The following ASAP2 variants were observed in gnomAD, a reference collection of about 807,000 sequenced individuals.
The protein encoded by ASAP2 is arf-GAP with SH3 domain, ANK repeat and PH domain-containing protein 2.
ASAP2 carries 45 observed loss-of-function variants against 131.4 expected under a neutral mutation model. The ratio of observed to expected loss-of-function variants is 0.34; its 90% CI spans 0.27 to 0.44. The LOEUF (loss-of-function observed/expected upper bound fraction) is 0.44. Ranked by LOEUF, ASAP2 falls within the 20% of genes least tolerant of loss-of-function variation. The probability of loss-of-function intolerance (pLI) is 1.00; values close to 1 mark genes in which losing one functional copy is unlikely to be tolerated. For missense variants in ASAP2, 1,011 were observed against 1,297.0 expected, an observed-to-expected ratio of 0.78 and a Z score of 3.39; for synonymous variants, 510 against 503.0, an observed-to-expected ratio of 1.01 and a Z score of -0.19.
At chr2:9,231,159 TG>T (rs1663133841) in intron 1 of ASAP2, among the ~76,000 whole-genome samples, 1 of 152,194 alleles carries the variant, frequency 6.6e-6, no homozygotes, top group South Asian at 2.1e-4. Flanking sequence ...GGAAAGGCAG[TG>T]GCTGGGTGTT....
At chr2:9,211,203 C>G (rs1247685036) in intron 1 of ASAP2, among the ~76,000 whole-genome samples, 2 of 151,608 alleles carry the variant, frequency 1.3e-5, no homozygotes, top group South Asian at 2.1e-4. Context: ...TGAGAGCATA[C>G]CTGTATTTTA....
intron 1 of ASAP2, among the ~76,000 whole-genome samples, chr2:9,222,358 AT>A (rs916717850): frequency 6.6e-6 from 1 of 152,172 alleles, no homozygotes; most frequent in Non-Finnish European, 1.5e-5. Flanking sequence ...GGTTTTAGAT[AT>A]TTGCCTTGTC....
intron 3 of ASAP2, among the ~76,000 whole-genome samples, chr2:9,309,551 G>A (rs1669160303): frequency 6.6e-6 from 1 of 152,216 alleles, no homozygotes; most frequent in Admixed American, 6.5e-5. Context: ...TACTTTCCCA[G>A]TCTGGATTTT....
chr2:9,256,178 A>G lies in ASAP2; in HGVS notation c.127-23139A>G, dbSNP rs567588235. On this transcript the variant is annotated intron_variant, in intron 1 of 27. Transcript: ENST00000281419. ...GGTCCCCTGCAAAAAAAAAAAAAAA[A>G]AAAGAAAGCAAGTAATTCTGGCAGC... Among the ~76,000 whole-genome samples, 429 of 151,034 alleles carry G rather than the reference A, an allele frequency of 2.8e-3. 1 individual carries two copies. The highest frequency in any genetic ancestry group is 4.0e-3 in the Admixed American group (59 of 14,904).
rs539878800 is a variant in ASAP2 at position 9,363,192 on chromosome 2, G to A, written c.1461+4303G>A. Among the ~76,000 whole-genome samples, 12 of 152,086 alleles carry A rather than the reference G, an allele frequency of 7.9e-5. No homozygotes were observed. In the East Asian group the frequency reaches 9.7e-4, roughly 12 times the overall value. ...TATACCACATTTTTAAAATCCATTCGTCCATTGGTGGCATTTAGGTTGATT... is the reference window on the plus strand; with the variant it reads ...TATACCACATTTTTAAAATCCATTCATCCATTGGTGGCATTTAGGTTGATT... On this transcript the variant is annotated intron_variant, in intron 15 of 27. Transcript: ENST00000281419.
intron 1 of ASAP2, among the ~76,000 whole-genome samples, chr2:9,215,656 G>C (rs914433477): frequency 8.1e-6 from 1 of 124,036 alleles, no homozygotes; most frequent in African/African-American, 3.4e-5. Context: ...GGTAAGATTT[G>C]TTTAGCTAGT....
At position 9,210,970 on chromosome 2, in the gene ASAP2, A is replaced by G. The variant is rs183711622; in HGVS notation, c.126+3740A>G. 1.2e-3 allele frequency among the ~76,000 whole-genome samples: 184 copies of G among 152,088 alleles called. 3 individuals are homozygous for G. The highest frequency in any genetic ancestry group is 3.1e-3 in the South Asian group (15 of 4,824). ...CAGGAGTTCGAAACCAGCCTGACCA[A>G]CATGGAGAAACCCTGTCTCTACTAA... On this transcript the variant is annotated intron_variant, in intron 1 of 27. Coordinates refer to ENST00000281419, the MANE Select transcript of ASAP2 (RefSeq NM_003887.3).
At chr2:9,386,386 TA>T (rs912647498) in intron 21 of ASAP2, among the ~76,000 whole-genome samples, 3,343 of 144,940 alleles carry the variant, frequency 0.023, 108 homozygotes, top group African/African-American at 0.077. Flanking sequence ...TAACCTGCCT[TA>T]AAAAAAAAAA....
chr2:9,233,112 C>T (rs1393742417), intron 1 of ASAP2, among the ~76,000 whole-genome samples: 2 of 152,154 alleles, frequency 1.3e-5, no homozygotes, highest in Non-Finnish European at 2.9e-5. Context: ...TACAGAGATA[C>T]GGCTTTGAGA....
At chr2:9,258,268 A>G (rs1665305355) in intron 1 of ASAP2, among the ~76,000 whole-genome samples, 1 of 149,414 alleles carries the variant, frequency 6.7e-6, no homozygotes, top group Non-Finnish European at 1.5e-5. Context: ...AATTTCTATG[A>G]TTACCAGCTA....
In ASAP2 at chr2:9,378,649, T is replaced by C. The variant is rs185460491; in HGVS notation, c.1833-295T>C. ...CTGGGCTCTAGGTTCACCCCGGTAG[T>C]GCACTGCCCCACCTTGGCCCCACAT... On this transcript the variant is annotated intron_variant, in intron 18 of 27. Transcript: ENST00000281419. Among the ~76,000 whole-genome samples, 16 of 152,290 alleles carry C rather than the reference T, an allele frequency of 1.1e-4. No individual in the cohort carries two copies. The East Asian group carries it at 2.9e-3, about 28-fold the overall frequency.
intron 1 of ASAP2, among the ~76,000 whole-genome samples, chr2:9,242,121 G>A (rs979663151): frequency 3.3e-5 from 5 of 152,296 alleles, no homozygotes; most frequent in South Asian, 2.1e-4. Context: ...TGGAAGAGAG[G>A]GGGGAGGTCT....
intron 1 of ASAP2, among the ~76,000 whole-genome samples, chr2:9,249,175 C>G (rs1010653371): frequency 8.5e-5 from 13 of 152,162 alleles, no homozygotes; most frequent in Non-Finnish European, 1.9e-4. Context: ...CTCCTTAGCT[C>G]CAGTTTCTTT....
intron 7 of ASAP2, among the ~76,000 whole-genome samples, chr2:9,330,241 G>A (rs978763702): frequency 2.6e-5 from 4 of 152,190 alleles, no homozygotes; most frequent in Non-Finnish European, 5.9e-5. Context: ...TTAAAAAAAA[G>A]AAGAGTGAAA....
rs1355443913 is a variant in ASAP2, at chr2:9,268,920, G to A, written c.127-10397G>A. Among the ~76,000 whole-genome samples the A allele has an allele frequency of 6.6e-6, 1 of 152,174 alleles. No homozygotes were observed. Among genetic ancestry groups the A allele is most frequent in the Non-Finnish European group, 1.5e-5 (1 of 68,036 alleles). On this transcript the variant is annotated intron_variant, in intron 1 of 27. Transcript: ENST00000281419. The surrounding 1 kb of genome is among the most constrained non-coding windows in gnomAD (Gnocchi z 4.1). Reference sequence around the variant, plus strand: ...CCTGCTGGTTCGCATTGAGAACTCAGGGTGCTGGGGACAAACCGGTGCTGT... The same window carrying A: ...CCTGCTGGTTCGCATTGAGAACTCAAGGTGCTGGGGACAAACCGGTGCTGT...
intron 15 of ASAP2, among the ~76,000 whole-genome samples, chr2:9,367,065 C>G (rs1202584516): frequency 7.0e-6 from 1 of 142,456 alleles, no homozygotes; most frequent in Non-Finnish European, 1.5e-5. Flanking sequence ...GAGTCTCACT[C>G]TGTCGCCCAG....
intron 3 of ASAP2, among the ~76,000 whole-genome samples, chr2:9,304,175 T>C (rs1199677652): frequency 6.6e-6 from 1 of 152,070 alleles, no homozygotes. Context: ...GTATGGCACT[T>C]GTCCATCTGC....
At position 9,335,192 on chromosome 2, in the gene ASAP2, AAT is replaced by A; in HGVS notation, c.849+14_849+15del. On this transcript the variant is annotated intron_variant, in intron 9 of 27. Transcript: ENST00000281419. ...TGAACAGAAAGAGGTGAGGGGATTT[AAT>A]TTTGAAAGATTGCAGTTTTCACCCC... is the stretch of plus-strand genomic sequence containing the variant. The A allele has an allele frequency of 6.2e-7, 1 of 1,612,668 alleles. No homozygotes were observed. Among genetic ancestry groups the A allele is most frequent in the Non-Finnish European group, 8.5e-7 (1 of 1,178,708 alleles).
At chr2:9,320,213 TA>T (rs1402202031) in intron 4 of ASAP2, 74 bp from the exon 5 acceptor site, 1 of 1,258,892 alleles carries the variant, frequency 7.9e-7, no homozygotes, top group African/African-American at 1.5e-5. Flanking sequence ...TCAGGGCTAG[TA>T]CAGGGATAAG....
Sources: allele counts gnomAD v4.1 joint callset (sites outside exome capture counted in the v4.1 genomes callset), GRCh38; gene constraint gnomAD v4.1.1; non-coding constraint Gnocchi (gnomAD v3.1); transcripts MANE v1.5; gene names NCBI Gene and HGNC (gene_info 2026-07-23, HGNC 2026-07-21).